Variants in RIMKLB observed in about 807,000 individuals in gnomAD.
RIMKLB encodes the protein ribosomal modification protein rimK like family member B, also known as beta-citrylglutamate synthase B.
Under a neutral mutation model 32.0 loss-of-function variants are expected in RIMKLB, and 7 were observed. That is an observed-to-expected ratio of 0.22 (90% CI 0.12 to 0.41). The LOEUF is 0.41. RIMKLB is among the 10% of genes least tolerant of loss of function. The pLI, the probability that RIMKLB is intolerant of heterozygous loss-of-function variation, is 1.00. For missense variants in RIMKLB, 289 were observed against 498.7 expected, an observed-to-expected ratio of 0.58 and a Z score of 4.00; for synonymous variants, 172 against 185.1, an observed-to-expected ratio of 0.93 and a Z score of 0.57.
chr12:8,746,160 TGC>T (rs1948067249), intron 2 of RIMKLB, among the ~76,000 whole-genome samples: 1 of 151,840 alleles, frequency 6.6e-6, no homozygotes, highest in South Asian at 2.1e-4. Flanking sequence ...CAACATCTTC[TGC>T]CCCAAACCAG....
chr12:8,772,533 G>A (rs1024976194), intron 5 of RIMKLB, among the ~76,000 whole-genome samples: 4 of 152,182 alleles, frequency 2.6e-5, no homozygotes, highest in Non-Finnish European at 4.4e-5. Context: ...GTCTTCTACG[G>A]AGGTACCTAA....
At chr12:8,781,869 CAATT>C (rs1315348579), downstream of RIMKLB, among the ~76,000 whole-genome samples, 2 of 152,178 alleles carry the variant, frequency 1.3e-5, no homozygotes, top group Non-Finnish European at 2.9e-5. Flanking sequence ...ATGTAAATGT[CAATT>C]AAATTTATAA....
intron 1 of RIMKLB, among the ~76,000 whole-genome samples, chr12:8,709,482 G>C (rs1477268005): frequency 6.6e-6 from 1 of 152,250 alleles, no homozygotes; most frequent in African/African-American, 2.4e-5. Context: ...CACGCCTGGA[G>C]CCTCTACCTT....
At position 8,689,572 on chromosome 12, in the gene RIMKLB, T is replaced by C. The variant is rs866645936; in HGVS notation, n.219+7754T>C. On this transcript the variant is annotated intron_variant and non_coding_transcript_variant, in intron 1 of 1. Transcript: ENST00000538758. ...TCCTCCTGTACTTCCTACTCTTTTT[T>C]CCATCTGCCTCTCTTTGTTATTTCT... is the stretch of plus-strand genomic sequence containing the variant. 1.4e-4 allele frequency among the ~76,000 whole-genome samples: 22 copies of C among 152,240 alleles called. 1 individual carries two copies. Among genetic ancestry groups the C allele is most frequent in the Admixed American group, 1.4e-3 (21 of 15,276 alleles).
downstream of RIMKLB, among the ~76,000 whole-genome samples, chr12:8,781,063 A>G (rs750142464): frequency 2.0e-5 from 3 of 152,356 alleles, no homozygotes; most frequent in Admixed American, 2.0e-4. Flanking sequence ...GGTTCTGGCC[A>G]CGTACTGTGG....
intron 1 of RIMKLB, among the ~76,000 whole-genome samples, chr12:8,682,021 T>C (rs1033679238): frequency 4.6e-5 from 7 of 151,890 alleles, no homozygotes; most frequent in Admixed American, 3.9e-4. Context: ...ATAGTGTCAG[T>C]ATTGAGTTGG....
Position 8,720,643 on chromosome 12 carries a change from G to A in RIMKLB, c.175+6602G>A, listed in dbSNP as rs767217097. 1.4e-3 allele frequency among the ~76,000 whole-genome samples: 213 copies of A among 152,246 alleles called. 2 individuals are homozygous for A. The highest frequency in any genetic ancestry group is 4.7e-3 in the African/African-American group (195 of 41,536). On this transcript the variant is annotated intron_variant, in intron 2 of 5. Coordinates refer to ENST00000535829, the MANE Select transcript of RIMKLB (RefSeq NM_001297776.2). ...TGCAACCTCTGTCTCGGGTTCAAGCGATTCTCCTGCCTCAGCCTCCCGAGT... is the reference window on the plus strand; with the variant it reads ...TGCAACCTCTGTCTCGGGTTCAAGCAATTCTCCTGCCTCAGCCTCCCGAGT...
intron 5 of RIMKLB, among the ~76,000 whole-genome samples, chr12:8,763,321 C>G (rs1419685805): frequency 6.6e-6 from 1 of 152,170 alleles, no homozygotes; most frequent in Non-Finnish European, 1.5e-5. Context: ...GGCCTGTTGG[C>G]AAGCTTAACA....
chr12:8,774,977 A>G lies in RIMKLB; in HGVS notation c.*1193A>G, dbSNP rs1377881441. On this transcript the variant is annotated 3_prime_UTR_variant, in exon 6 of 6. Coordinates refer to ENST00000535829, the MANE Select transcript of RIMKLB (RefSeq NM_001297776.2). The stretch of plus-strand genomic sequence containing the variant: ...GAAAATGGAGCATGATGGGAAACAG[A>G]GTTTTTGACTTTAAAAAACAGATGA... 4.1e-6 allele frequency: 4 copies of G among 983,258 alleles called. No homozygotes were observed. The East Asian group carries it at 3.4e-4, about 84-fold the overall frequency. 60.9% of individuals were successfully genotyped at this position (983,258 alleles called of 1,614,324 possible).
chr12:8,720,326 A>G (rs1945310111), intron 2 of RIMKLB, among the ~76,000 whole-genome samples: 1 of 152,178 alleles, frequency 6.6e-6, no homozygotes, highest in Admixed American at 6.5e-5. Flanking sequence ...AAAGGTACAA[A>G]GTTGGATTCA....
At chr12:8,698,665 C>A (rs1276200683) in intron 1 of RIMKLB, among the ~76,000 whole-genome samples, 1 of 152,042 alleles carries the variant, frequency 6.6e-6, no homozygotes, top group Admixed American at 6.5e-5. Context: ...GTCGGACCCG[C>A]GGGCTGCTGA....
At chr12:8,752,901 CA>C (rs1341368467) in intron 4 of RIMKLB, among the ~76,000 whole-genome samples, 1 of 151,976 alleles carries the variant, frequency 6.6e-6, no homozygotes, top group Non-Finnish European at 1.5e-5. Context: ...CCACCACGCC[CA>C]GCTACTTTGT....
chr12:8,720,634 G>T (rs1476063176), intron 2 of RIMKLB, among the ~76,000 whole-genome samples: 2 of 152,134 alleles, frequency 1.3e-5, no homozygotes, highest in Admixed American at 1.3e-4. Flanking sequence ...CTCTGTCTCG[G>T]GTTCAAGCGA....
rs61677474 is a variant in RIMKLB at position 8,715,228 on chromosome 12, C to CTTTTTTTTTTTT, written c.175+1194_175+1205dup. Among the ~76,000 whole-genome samples the CTTTTTTTTTTTT allele has an allele frequency of 9.2e-4, 114 of 123,720 alleles. 1 individual carries two copies. Among genetic ancestry groups the CTTTTTTTTTTTT allele is most frequent in the African/African-American group, 3.6e-3 (108 of 30,302 alleles). 81.2% of individuals were successfully genotyped at this position (123,720 alleles called of 152,430 possible). A position where few individuals can be genotyped will look rare whatever the true frequency, so the allele number is the denominator to read the frequency against. On this transcript the variant is annotated intron_variant, in intron 2 of 5. Transcript: ENST00000535829. ...GCTTAAATGGATAAGTGCTCTTGTT[C>CTTTTTTTTTTTT]TTTTTTTTTTTTTTTTTTGGAGACA... is the stretch of plus-strand genomic sequence containing the variant.
intron 5 of RIMKLB, among the ~76,000 whole-genome samples, chr12:8,761,272 CA>C (rs35464055): frequency 0.13 from 7,440 of 55,918 alleles, 361 homozygotes; most frequent in African/African-American, 0.25. Flanking sequence ...GGGGAGATAG[CA>C]AAAAAAAAAA....
intron 1 of RIMKLB, among the ~76,000 whole-genome samples, chr12:8,682,862 C>G (rs979668822): frequency 1.3e-5 from 2 of 149,148 alleles, no homozygotes; most frequent in Non-Finnish European, 3.0e-5. Context: ...GTGTCTTACT[C>G]TGACCTCAGG....
intron 5 of RIMKLB, among the ~76,000 whole-genome samples, chr12:8,767,107 G>A (rs1950034645): frequency 1.3e-5 from 2 of 152,250 alleles, no homozygotes; most frequent in East Asian, 1.9e-4. Context: ...TAGTATTGGA[G>A]TGTTACAGGG....
At chr12:8,761,873 C>T (rs762436203) in intron 5 of RIMKLB, among the ~76,000 whole-genome samples, 152 of 152,144 alleles carry the variant, frequency 1.0e-3, no homozygotes, top group African/African-American at 3.5e-3. Flanking sequence ...GGGGTGCCTT[C>T]GATGTCATTA....
At chr12:8,680,120 C>T (rs1942377065), upstream of RIMKLB, among the ~76,000 whole-genome samples, 1 of 151,696 alleles carries the variant, frequency 6.6e-6, no homozygotes. Context: ...CAGGAAGTTA[C>T]CCTATATGTC....
Sources: gnomAD v4.1 joint callset for allele counts (sites outside exome capture counted in the v4.1 genomes callset) on GRCh38, gnomAD v4.1.1 for gene constraint, MANE v1.5 for transcripts, NCBI Gene and HGNC (gene_info 2026-07-23, HGNC 2026-07-21) for gene names.